The following NXN variants were observed in gnomAD, a reference collection of about 807,000 sequenced individuals.
NXN encodes nucleoredoxin 1.
NXN carries 16 observed loss-of-function variants against 48.6 expected under a neutral mutation model. That is an observed-to-expected ratio of 0.33 (90% CI 0.22 to 0.50). NXN has a LOEUF of 0.50. NXN is among the 20% of genes least tolerant of loss of function. The pLI is 0.98. For synonymous variants in NXN, 281 were observed against 269.6 expected, an observed-to-expected ratio of 1.04 and a Z score of -0.41; for missense variants, 492 against 605.5, an observed-to-expected ratio of 0.81 and a Z score of 1.97.
rs567840758 is a variant in NXN at position 847,441 on chromosome 17, G to A, written c.361-21363C>T. On this transcript the variant is annotated intron_variant, in intron 1 of 7. Transcript: ENST00000336868. ...TCAAAGAAAAAAGTCAGAAGGGACC[G>A]TTCTGCACGGAGCCTGGCACGTGAA... 5.3e-5 allele frequency among the ~76,000 whole-genome samples: 8 copies of A among 152,226 alleles called. No homozygotes were observed. The East Asian group carries it at 7.7e-4, about 15-fold the overall frequency.
chr17:841,660 C>CACCCACAGGCAG (rs1567828176), intron 1 of NXN, among the ~76,000 whole-genome samples: 4 of 109,376 alleles, frequency 3.7e-5, no homozygotes, highest in African/African-American at 9.6e-5. Flanking sequence ...GCGCATCTCA[C>CACCCACAGGCAG]GCCGGCGAGC....
chr17:918,788 CAA>C (rs565543862), intron 1 of NXN, among the ~76,000 whole-genome samples: 4 of 45,436 alleles, frequency 8.8e-5, no homozygotes, highest in Non-Finnish European at 8.3e-5. Flanking sequence ...GACTCAGTCT[CAA>C]AAAAAAAAAA....
At chr17:809,409 C>T (rs1043408508) in intron 5 of NXN, among the ~76,000 whole-genome samples, 2 of 152,202 alleles carry the variant, frequency 1.3e-5, no homozygotes, top group East Asian at 1.9e-4. Context: ...AAGCCAGGTG[C>T]GCCGAGACTG....
Position 822,468 on chromosome 17 carries a change from G to T in NXN, c.613-11C>A, listed in dbSNP as rs1016305202. ...TCGGCAGGGCGGACACTGAAAGACA[G>T]GACAGCAAGACCCGCTGCGTCACGC... is the stretch of plus-strand genomic sequence containing the variant. On this transcript the variant is annotated splice_polypyrimidine_tract_variant and intron_variant, in intron 3 of 7. Coordinates refer to ENST00000336868, the MANE Select transcript of NXN (RefSeq NM_022463.5). The T allele has an allele frequency of 4.4e-6, 7 of 1,605,408 alleles. No individual in the cohort carries two copies. In the African/African-American group the frequency reaches 9.4e-5, roughly 21 times the overall value.
chr17:855,143 G>A (rs539630053), intron 1 of NXN, among the ~76,000 whole-genome samples: 2 of 152,044 alleles, frequency 1.3e-5, no homozygotes, highest in Non-Finnish European at 2.9e-5. Flanking sequence ...GGGTGTGGTG[G>A]AGCAAACCGG....
Position 830,403 on chromosome 17 carries a change from C to G in NXN, c.361-4325G>C, listed in dbSNP as rs1052082320. Among the ~76,000 whole-genome samples the G allele has an allele frequency of 2.0e-5, 3 of 151,932 alleles. No individual in the cohort carries two copies. The highest frequency in any genetic ancestry group is 6.6e-5 in the Admixed American group (1 of 15,244). On this transcript the variant is annotated intron_variant, in intron 1 of 7. Transcript: ENST00000336868. This position sits in a 1 kb window ranked among gnomAD's most constrained non-coding sequence, Gnocchi z 4.2. ...AACAGGGCGGGTAAGATCACGGCTG[C>G]AACTGGGAAGCTGGGATGGCAGCGT...
At chr17:976,284 T>C (rs2069457453) in intron 1 of NXN, among the ~76,000 whole-genome samples, 4 of 152,046 alleles carry the variant, frequency 2.6e-5, no homozygotes, top group Admixed American at 2.6e-4. Flanking sequence ...CAGGTTTTTT[T>C]TAACTATATA....
At chr17:842,179 C>T (rs1914367492) in intron 1 of NXN, among the ~76,000 whole-genome samples, 2 of 152,104 alleles carry the variant, frequency 1.3e-5, no homozygotes, top group South Asian at 4.1e-4. Flanking sequence ...CCAATTAAAC[C>T]TGCTCGACAT....
chr17:904,662 G>C (rs2068567428), intron 1 of NXN, among the ~76,000 whole-genome samples: 1 of 152,100 alleles, frequency 6.6e-6, no homozygotes, highest in African/African-American at 2.4e-5. Context: ...TCCTGCCTCA[G>C]TCTCCTGAGT....
At chr17:969,563 T>C (rs889442372) in intron 1 of NXN, among the ~76,000 whole-genome samples, 2 of 152,224 alleles carry the variant, frequency 1.3e-5, no homozygotes, top group African/African-American at 4.8e-5. Flanking sequence ...GATTTTTCCC[T>C]ATTGCACGTG....
intron 1 of NXN, among the ~76,000 whole-genome samples, chr17:851,933 G>A (rs1364559771): frequency 2.0e-5 from 3 of 152,290 alleles, no homozygotes; most frequent in East Asian, 3.9e-4. Context: ...TAAAGATGGC[G>A]CCACAGCGAG....
intron 5 of NXN, 56 bp from the exon 6 acceptor site, chr17:805,303 G>A: frequency 1.3e-6 from 2 of 1,543,452 alleles, no homozygotes; most frequent in Non-Finnish European, 8.7e-7. Context: ...GCCCTGCCTG[G>A]CAGGAGGCTC....
intron 1 of NXN, among the ~76,000 whole-genome samples, chr17:833,683 T>G (rs1455772262): frequency 2.6e-4 from 40 of 152,146 alleles, no homozygotes; most frequent in Admixed American, 2.6e-3. Flanking sequence ...CTGAAGCCTG[T>G]TAGCGGAAAC....
At chr17:848,298 C>T (rs1248458964) in intron 1 of NXN, among the ~76,000 whole-genome samples, 1 of 152,164 alleles carries the variant, frequency 6.6e-6, no homozygotes, top group Admixed American at 6.5e-5. Context: ...CCACCACGCC[C>T]GGCTAATTTC....
At chr17:874,709 A>G (rs2068195673) in intron 1 of NXN, among the ~76,000 whole-genome samples, 1 of 149,224 alleles carries the variant, frequency 6.7e-6, no homozygotes, top group Non-Finnish European at 1.5e-5. Context: ...TGGGTGACAG[A>G]GCGAGACTCT....
At chr17:822,183 G>A (rs1224365117) in intron 4 of NXN, among the ~76,000 whole-genome samples, 174 bp downstream of exon 4, 1 of 152,016 alleles carries the variant, frequency 6.6e-6, no homozygotes, top group Non-Finnish European at 1.5e-5. Context: ...GGAGGCTAAG[G>A]CAGGAGAATC....
intron 1 of NXN, among the ~76,000 whole-genome samples, chr17:880,731 T>TA (rs1291441810): frequency 1.3e-5 from 2 of 152,038 alleles, no homozygotes; most frequent in African/African-American, 4.8e-5. Context: ...GGCCTTCTCC[T>TA]AAGGGGGCAG....
intron 1 of NXN, among the ~76,000 whole-genome samples, chr17:843,113 C>A (rs1290646053): frequency 6.6e-6 from 1 of 152,146 alleles, no homozygotes. Flanking sequence ...TGAACAACAA[C>A]AAATAACTGA....
chr17:842,998 G>GAA (rs1914433399), intron 1 of NXN, among the ~76,000 whole-genome samples: 23 of 105,064 alleles, frequency 2.2e-4, no homozygotes, highest in African/African-American at 6.4e-4. Flanking sequence ...GAGAGAAAGA[G>GAA]AGAAAGAGAG....
Sources: gnomAD v4.1 joint callset for allele counts (sites outside exome capture counted in the v4.1 genomes callset) on GRCh38, gnomAD v4.1.1 for gene constraint, Gnocchi (gnomAD v3.1) non-coding constraint, MANE v1.5 for transcripts, NCBI Gene and HGNC (gene_info 2026-07-23, HGNC 2026-07-21) for gene names.